GNG12: variants seen among roughly 807,000 people sequenced by gnomAD.
GNG12 encodes the protein G protein subunit gamma 12, also known as guanine nucleotide-binding protein G(I)/G(S)/G(O) subunit gamma-12.
For synonymous variants in GNG12, 28 were observed against 29.7 expected, an observed-to-expected ratio of 0.94 and a Z score of 0.19; for missense variants, 69 against 83.8, an observed-to-expected ratio of 0.82 and a Z score of 0.69.
chr1:67,735,323 C>T (rs1400066052), intron 2 of GNG12, among the ~76,000 whole-genome samples: 1 of 152,210 alleles, frequency 6.6e-6, no homozygotes, highest in Non-Finnish European at 1.5e-5. Context: ...TTGTGGCTTG[C>T]AGCATTTCCC....
At chr1:67,830,920 AC>A (rs1194645289) in intron 1 of GNG12, among the ~76,000 whole-genome samples, 1 of 152,216 alleles carries the variant, frequency 6.6e-6, no homozygotes, top group Non-Finnish European at 1.5e-5. Flanking sequence ...TTGACCATGT[AC>A]TGCGTGTTAA....
intron 2 of GNG12, among the ~76,000 whole-genome samples, chr1:67,713,993 T>A (rs1309043932): frequency 6.6e-6 from 1 of 152,258 alleles, no homozygotes; most frequent in Non-Finnish European, 1.5e-5. Flanking sequence ...GTTAGGTTCT[T>A]AAGAATAGTT....
intron 2 of GNG12, among the ~76,000 whole-genome samples, chr1:67,739,347 T>G (rs567797024): frequency 6.6e-6 from 1 of 152,220 alleles, no homozygotes; most frequent in Non-Finnish European, 1.5e-5. Context: ...TTCTTCCTGT[T>G]CTGAAATCCT....
chr1:67,741,997 C>T (rs1392080179), intron 2 of GNG12, among the ~76,000 whole-genome samples: 1 of 152,132 alleles, frequency 6.6e-6, no homozygotes, highest in Non-Finnish European at 1.5e-5. Flanking sequence ...AGGCTGTGAC[C>T]GTGGGGTAAG....
At position 67,833,407 on chromosome 1, in the gene GNG12, C is replaced by G. The variant is rs1007030482; in HGVS notation, c.-140G>C. ...CTCGGTCTCTAAGGGCTCCTGGAGA[C>G]GGCTCCGACCTCTCCTCCTCCTCCT... On this transcript the variant is annotated 5_prime_UTR_variant, in exon 1 of 4. Transcript: ENST00000370982. 3 of 985,372 alleles carry G rather than the reference C, an allele frequency of 3.0e-6. No homozygotes were observed. The highest frequency in any genetic ancestry group is 3.6e-6 in the Non-Finnish European group (3 of 830,090). The allele number at this position is 985,372 out of a possible 1,614,324, so 61.0% of individuals were successfully genotyped here.
At chr1:67,831,620 T>A (rs547635744) in intron 1 of GNG12, among the ~76,000 whole-genome samples, 1 of 152,348 alleles carries the variant, frequency 6.6e-6, no homozygotes, top group South Asian at 2.1e-4. Flanking sequence ...ACCAGGGCTT[T>A]ACGGCGCTGG....
rs201336483 is a variant in GNG12, at chr1:67,734,491, AT to A, written c.-26-26780del. ...CAGTCACCCTATGCAAGAGTGCTATATTTTCCCCACTACACAGATGGGGGAA... is the reference window on the plus strand; with the variant it reads ...CAGTCACCCTATGCAAGAGTGCTATATTTCCCCACTACACAGATGGGGGAA... On this transcript the variant is annotated intron_variant, in intron 2 of 3. Coordinates refer to ENST00000370982, the MANE Select transcript of GNG12 (RefSeq NM_018841.6). Among the ~76,000 whole-genome samples the A allele has an allele frequency of 7.4e-4, 112 of 152,280 alleles. 1 individual carries two copies. The East Asian group carries it at 0.015, about 20-fold the overall frequency.
At chr1:67,729,600 T>C (rs748199789) in intron 2 of GNG12, among the ~76,000 whole-genome samples, 78 of 152,192 alleles carry the variant, frequency 5.1e-4, no homozygotes, top group Non-Finnish European at 8.7e-4. Context: ...ATGATGGCAA[T>C]GGCCTTGGTT....
chr1:67,743,437 G>A (rs186101829), intron 2 of GNG12, among the ~76,000 whole-genome samples: 3 of 152,182 alleles, frequency 2.0e-5, no homozygotes, highest in Admixed American at 6.5e-5. Context: ...TCTCCATACA[G>A]CAAATGACAG....
At chr1:67,822,035 A>G (rs1436891657) in intron 1 of GNG12, among the ~76,000 whole-genome samples, 2 of 151,572 alleles carry the variant, frequency 1.3e-5, no homozygotes, top group Non-Finnish European at 2.9e-5. Flanking sequence ...TTGGGCCACA[A>G]ACAAAATACA....
intron 2 of GNG12, among the ~76,000 whole-genome samples, chr1:67,758,154 A>G (rs926127658): frequency 6.6e-6 from 1 of 152,102 alleles, no homozygotes; most frequent in Non-Finnish European, 1.5e-5. Context: ...TTGTATTTTT[A>G]GTAAAGATGG....
At position 67,730,499 on chromosome 1, in the gene GNG12, C is replaced by T. The variant is rs990229078; in HGVS notation, c.-26-22787G>A. On this transcript the variant is annotated intron_variant, in intron 2 of 3. Coordinates refer to ENST00000370982, the MANE Select transcript of GNG12 (RefSeq NM_018841.6). ...CAGCCTGGTCAACAGAGCAAGACGC[C>T]ACCCCCCAACCGCCCCCGCACCGAC... 9.9e-5 allele frequency among the ~76,000 whole-genome samples: 15 copies of T among 152,188 alleles called. No homozygotes were observed. In the East Asian group the frequency reaches 1.9e-3, roughly 20 times the overall value.
chr1:67,826,693 G>C (rs1427207021), intron 1 of GNG12, among the ~76,000 whole-genome samples: 1 of 152,132 alleles, frequency 6.6e-6, no homozygotes, highest in Non-Finnish European at 1.5e-5. Flanking sequence ...TCTCAATAAG[G>C]TCTTCAATAA....
intron 1 of GNG12, chr1:67,832,320 C>G (rs1284417510): frequency 6.6e-6 from 1 of 152,182 alleles, no homozygotes; most frequent in Non-Finnish European, 1.5e-5. Flanking sequence ...TGTATACAAC[C>G]ACGCCCGGCA....
At chr1:67,736,045 G>A (rs2100705915) in intron 2 of GNG12, among the ~76,000 whole-genome samples, 1 of 152,266 alleles carries the variant, frequency 6.6e-6, no homozygotes, top group African/African-American at 2.4e-5. Flanking sequence ...ACACTTTCTT[G>A]CGGGGGGTAG....
intron 2 of GNG12, among the ~76,000 whole-genome samples, chr1:67,764,540 C>T (rs1443447129): frequency 6.6e-6 from 1 of 152,142 alleles, no homozygotes; most frequent in Non-Finnish European, 1.5e-5. Context: ...TAGATACCAT[C>T]CTGATGTTGC....
At chr1:67,738,108 T>C (rs1570501076) in intron 2 of GNG12, among the ~76,000 whole-genome samples, 1 of 152,044 alleles carries the variant, frequency 6.6e-6, no homozygotes, top group African/African-American at 2.4e-5. Context: ...TATTTTTTGT[T>C]TGTTTTTTGG....
chr1:67,825,073 G>T (rs1170076530), intron 1 of GNG12, among the ~76,000 whole-genome samples: 1 of 152,218 alleles, frequency 6.6e-6, no homozygotes, highest in African/African-American at 2.4e-5. Context: ...GGCAAGGCAT[G>T]TGCTGGAATA....
At chr1:67,709,976 ATATATATATAGTTATATATATAGT>A (rs1646277421) in intron 2 of GNG12, among the ~76,000 whole-genome samples, 4 of 15,836 alleles carry the variant, frequency 2.5e-4, no homozygotes, top group African/African-American at 6.7e-4. Flanking sequence ...ATATATAGTT[ATATATATATAGTTATATATATAGT>A]TATATATATA....
Sources: allele counts gnomAD v4.1 joint callset (sites outside exome capture counted in the v4.1 genomes callset), GRCh38; gene constraint gnomAD v4.1.1; transcripts MANE v1.5; gene names NCBI Gene and HGNC (gene_info 2026-07-23, HGNC 2026-07-21).